Variants in CACNG5 observed in about 807,000 individuals in gnomAD.
CACNG5 encodes calcium voltage-gated channel auxiliary subunit gamma 5, also known as voltage-dependent calcium channel gamma-5 subunit.
A neutral mutation model predicts 24.8 loss-of-function variants in CACNG5; 18 were observed. That is an observed-to-expected ratio of 0.73 (90% CI 0.50 to 1.08). CACNG5 has a LOEUF of 1.08. CACNG5 is among the 50% of genes least tolerant of loss of function. The pLI is 0.00. For missense variants in CACNG5, 349 were observed against 367.9 expected, an observed-to-expected ratio of 0.95 and a Z score of 0.42; for synonymous variants, 157 against 149.1, an observed-to-expected ratio of 1.05 and a Z score of -0.39.
chr17:66,855,352 G>T (rs1403221351), intron 1 of CACNG5, among the ~76,000 whole-genome samples: 1 of 152,204 alleles, frequency 6.6e-6, no homozygotes, highest in Non-Finnish European at 1.5e-5. Context: ...CCTCTGTCCT[G>T]GCTGTGCCTT....
At chr17:66,852,301 C>T (rs532782900) in intron 1 of CACNG5, among the ~76,000 whole-genome samples, 1 of 152,282 alleles carries the variant, frequency 6.6e-6, no homozygotes, top group East Asian at 1.9e-4. Flanking sequence ...TGCTGTTATA[C>T]CTGAGTCCAC....
intron 1 of CACNG5, among the ~76,000 whole-genome samples, chr17:66,862,100 G>T (rs1976868970): frequency 6.6e-6 from 1 of 152,168 alleles, no homozygotes; most frequent in South Asian, 2.1e-4. Flanking sequence ...AGAGAGTTGG[G>T]TTGTATCTGC....
chr17:66,868,713 C>T (rs1163787070), intron 1 of CACNG5, among the ~76,000 whole-genome samples: 2 of 152,190 alleles, frequency 1.3e-5, no homozygotes, highest in East Asian at 1.9e-4. Flanking sequence ...CTGTGCTTGA[C>T]GTGTCCTTAG....
rs1036967373 is a variant in CACNG5, at chr17:66,890,026, T to C, written c.*4786T>C. Among the ~76,000 whole-genome samples, 11 of 152,336 alleles carry C rather than the reference T, an allele frequency of 7.2e-5. 1 individual carries two copies. The East Asian group carries it at 1.5e-3, about 21-fold the overall frequency. On this transcript the variant is annotated 3_prime_UTR_variant, in exon 6 of 6. Transcript: ENST00000533854. ...CCTGGATTTTGGGTATGAGGGCCAA[T>C]TGGCAGCTCTCCAAGTCTTGACTTT...
At chr17:66,873,875 G>A (rs1468785761) in intron 1 of CACNG5, among the ~76,000 whole-genome samples, 1 of 150,624 alleles carries the variant, frequency 6.6e-6, no homozygotes, top group African/African-American at 2.4e-5. Flanking sequence ...GCTTTTCAAA[G>A]CCTTTACCAT....
At chr17:66,880,472 C>T in intron 3 of CACNG5, 85 bp from the exon 4 acceptor site, 3 of 1,547,062 alleles carry the variant, frequency 1.9e-6, no homozygotes, top group Non-Finnish European at 2.7e-6. Context: ...AGTTGGTAGA[C>T]ACTGCCAGGA....
rs1977295089 is a variant in CACNG5 at position 66,888,520 on chromosome 17, G to T, written c.*3280G>T. The stretch of plus-strand genomic sequence containing the variant: ...GATCGCACCACTGCACTCCAGCCTG[G>T]GTGACAGAGCGAGACTCCGTCTCAA... On this transcript the variant is annotated 3_prime_UTR_variant, in exon 6 of 6. Transcript: ENST00000533854. Among the ~76,000 whole-genome samples, 1 of 141,404 alleles carries T rather than the reference G, an allele frequency of 7.1e-6. No homozygotes were observed. The allele number at this position is 141,404 out of a possible 152,430, so 92.8% of individuals were successfully genotyped here.
intron 1 of CACNG5, among the ~76,000 whole-genome samples, chr17:66,850,521 T>TA (rs200547414): frequency 6.4e-5 from 8 of 125,644 alleles, no homozygotes; most frequent in South Asian, 2.2e-4. Flanking sequence ...TTAAAGTATA[T>TA]TTTTTTTTTA....
intron 1 of CACNG5, among the ~76,000 whole-genome samples, chr17:66,876,979 C>CTGAATGAATGAA (rs3834579): frequency 3.3e-4 from 49 of 149,116 alleles, no homozygotes; most frequent in African/African-American, 4.3e-4. Context: ...CAATGGGTTG[C>CTGAATGAATGAA]TGAATGAATG....
intron 1 of CACNG5, among the ~76,000 whole-genome samples, chr17:66,870,141 A>G (rs1303020970): frequency 6.6e-6 from 1 of 152,160 alleles, no homozygotes; most frequent in African/African-American, 2.4e-5. Flanking sequence ...CAACTGTTTT[A>G]TTGTGCTCAT....
intron 1 of CACNG5, among the ~76,000 whole-genome samples, chr17:66,836,105 G>C (rs959133129): frequency 2.6e-5 from 4 of 152,166 alleles, no homozygotes; most frequent in African/African-American, 9.7e-5. Flanking sequence ...GCTTCTCCAG[G>C]GCTGCCCCGG....
chr17:66,851,378 G>A (rs948567780), intron 1 of CACNG5, among the ~76,000 whole-genome samples: 1 of 152,222 alleles, frequency 6.6e-6, no homozygotes, highest in Non-Finnish European at 1.5e-5. Flanking sequence ...CATGGGGATG[G>A]TTGAGGGGAA....
intron 1 of CACNG5, among the ~76,000 whole-genome samples, chr17:66,872,295 C>G (rs960876538): frequency 6.6e-6 from 1 of 152,154 alleles, no homozygotes; most frequent in Non-Finnish European, 1.5e-5. Context: ...AATGGCTCCT[C>G]TCCTATAAGA....
At position 66,877,278 on chromosome 17, in the gene CACNG5, G is replaced by T. The variant is rs1475499962; in HGVS notation, c.-55G>T. 6.1e-6 allele frequency: 9 copies of T among 1,479,478 alleles called. No individual in the cohort carries two copies. The highest frequency in any genetic ancestry group is 8.4e-6 in the Non-Finnish European group (9 of 1,070,630). The allele number at this position is 1,479,478 out of a possible 1,614,324, so 91.6% of individuals were successfully genotyped here. A position where few individuals can be genotyped will look rare whatever the true frequency, so the allele number is the denominator to read the frequency against. ...CACCCACTCTCCCTAGCCCCAGAGC[G>T]CAGTCCGTGCTGGTGGGAGCGTGGC... On this transcript the variant is annotated 5_prime_UTR_variant, in exon 2 of 6. Coordinates refer to ENST00000533854, the MANE Select transcript of CACNG5 (RefSeq NM_145811.3).
At chr17:66,874,301 A>C (rs138185491) in intron 1 of CACNG5, among the ~76,000 whole-genome samples, 1 of 152,330 alleles carries the variant, frequency 6.6e-6, no homozygotes, top group Non-Finnish European at 1.5e-5. Flanking sequence ...CATGTTATCC[A>C]GGAGAAAATC....
At chr17:66,835,833 G>T (rs1976476118) in intron 1 of CACNG5, among the ~76,000 whole-genome samples, 1 of 152,052 alleles carries the variant, frequency 6.6e-6, no homozygotes, top group African/African-American at 2.4e-5. Flanking sequence ...TCAGGGTGGT[G>T]CTATGGGGAC....
chr17:66,849,972 A>G (rs1171719368), intron 1 of CACNG5, among the ~76,000 whole-genome samples: 2 of 152,210 alleles, frequency 1.3e-5, no homozygotes, highest in African/African-American at 4.8e-5. Flanking sequence ...TTAAGGAAGA[A>G]GAATTAAAAT....
In CACNG5 at chr17:66,893,785, T is replaced by C. The variant is rs1229972832; in HGVS notation, c.*8545T>C. On this transcript the variant is annotated 3_prime_UTR_variant, in exon 6 of 6. Coordinates refer to ENST00000533854, the MANE Select transcript of CACNG5 (RefSeq NM_145811.3). ...GGAGAGGAGGAAGAGATGTTTCATT[T>C]GTTCACAATGTTTCCTGAAGCACTG... 6.6e-6 allele frequency among the ~76,000 whole-genome samples: 1 copy of C among 152,064 alleles called. No homozygotes were observed. The highest frequency in any genetic ancestry group is 2.4e-5 in the African/African-American group (1 of 41,390).
rs1223682089 is a variant in CACNG5, at chr17:66,888,493, G to A, written c.*3253G>A. Among the ~76,000 whole-genome samples, 10 of 133,692 alleles carry A rather than the reference G, an allele frequency of 7.5e-5. No individual in the cohort carries two copies. Among genetic ancestry groups the A allele is most frequent in the African/African-American group, 2.8e-4 (10 of 35,296 alleles). 87.7% of individuals were successfully genotyped at this position (133,692 alleles called of 152,430 possible). ...TGGGAGGCAGAGCTTGCAGTGAGCC[G>A]AGATCGCACCACTGCACTCCAGCCT... On this transcript the variant is annotated 3_prime_UTR_variant, in exon 6 of 6. Transcript: ENST00000533854.
Sources: allele counts gnomAD v4.1 joint callset (sites outside exome capture counted in the v4.1 genomes callset), GRCh38; gene constraint gnomAD v4.1.1; transcripts MANE v1.5; gene names NCBI Gene and HGNC (gene_info 2026-07-23, HGNC 2026-07-21).